The following NMNAT3 variants were observed in gnomAD, a reference collection of about 807,000 sequenced individuals.
NMNAT3 encodes the protein nicotinamide nucleotide adenylyltransferase 3.
Under a neutral mutation model 24.8 loss-of-function variants are expected in NMNAT3, and 21 were observed. That is an observed-to-expected ratio of 0.85 (90% confidence interval 0.60 to 1.22). The LOEUF (loss-of-function observed/expected upper bound fraction) is 1.22, where lower values mean the gene tolerates loss of function less well. Among genes scored for constraint, NMNAT3 ranks in the 50% most tolerant of loss-of-function variants. NMNAT3 has a pLI of 0.00. For synonymous variants in NMNAT3, 136 were observed against 155.2 expected (o/e 0.88, Z 0.92); for missense variants, 387 against 436.6 (o/e 0.89, Z 1.01).
chr3:139,594,305 A>T (rs2054340330), intron 3 of NMNAT3, among the ~76,000 whole-genome samples: 1 of 152,270 alleles, frequency 6.6e-6, no homozygotes, highest in Admixed American at 6.5e-5. Context: ...GGAGCTGAAA[A>T]TGTGGCAATA....
At chr3:139,573,898 C>T (rs1938863690) in intron 5 of NMNAT3, among the ~76,000 whole-genome samples, 1 of 152,114 alleles carries the variant, frequency 6.6e-6, no homozygotes. Context: ...CAGTCCACTA[C>T]TTTCCATGTG....
chr3:139,615,365 A>G (rs184738224), intron 3 of NMNAT3, among the ~76,000 whole-genome samples: 1 of 152,236 alleles, frequency 6.6e-6, no homozygotes, highest in Non-Finnish European at 1.5e-5. Flanking sequence ...CTCTCAGCAG[A>G]CAGGGCTAAG....
chr3:139,616,837 AT>A (rs1326393337), intron 3 of NMNAT3, among the ~76,000 whole-genome samples: 2 of 152,018 alleles, frequency 1.3e-5, no homozygotes. Flanking sequence ...CAGCTCTAGG[AT>A]TAAAAAGCAC....
intron 3 of NMNAT3, among the ~76,000 whole-genome samples, chr3:139,586,956 C>T (rs2108145822): frequency 6.6e-6 from 1 of 152,260 alleles, no homozygotes; most frequent in East Asian, 1.9e-4. Context: ...ACTCTCATAC[C>T]CTGCAGAGAT....
At chr3:139,561,500 T>C (rs1322555559) in intron 6 of NMNAT3, 108 bp from the exon 7 acceptor site, 1 of 1,031,422 alleles carries the variant, frequency 9.7e-7, no homozygotes, top group East Asian at 2.4e-5. Flanking sequence ...TATCGAGAAC[T>C]CAGTGTCTCC....
At chr3:139,602,848 A>G (rs952726570) in intron 3 of NMNAT3, among the ~76,000 whole-genome samples, 6 of 152,198 alleles carry the variant, frequency 3.9e-5, no homozygotes, top group Admixed American at 1.3e-4. Context: ...AATACTCTTA[A>G]TTTACATGTC....
chr3:139,671,055 G>T (rs1429013861), intron 1 of NMNAT3, among the ~76,000 whole-genome samples: 1 of 152,132 alleles, frequency 6.6e-6, no homozygotes, highest in East Asian at 1.9e-4. Flanking sequence ...AAAGGTAGTG[G>T]CCTAAAATTA....
intron 1 of NMNAT3, among the ~76,000 whole-genome samples, chr3:139,649,870 C>T (rs2056998832): frequency 6.6e-6 from 1 of 152,178 alleles, no homozygotes; most frequent in African/African-American, 2.4e-5. Flanking sequence ...ACAAACTGCA[C>T]ACCCCAAAGG....
chr3:139,614,081 A>G (rs546888945), intron 3 of NMNAT3, among the ~76,000 whole-genome samples: 55 of 152,272 alleles, frequency 3.6e-4, no homozygotes, highest in Admixed American at 7.8e-4. Context: ...GCACATGTAT[A>G]CATATGTAAC....
intron 1 of NMNAT3, among the ~76,000 whole-genome samples, chr3:139,665,246 A>G (rs1198235503): frequency 1.3e-5 from 2 of 152,128 alleles, no homozygotes; most frequent in African/African-American, 4.8e-5. Flanking sequence ...TGAGGAAGAA[A>G]CCACACAGGC....
intron 3 of NMNAT3, among the ~76,000 whole-genome samples, chr3:139,607,262 A>G (rs1490434964): frequency 6.6e-6 from 1 of 152,220 alleles, no homozygotes; most frequent in Non-Finnish European, 1.5e-5. Context: ...AAAACTGTTC[A>G]TACTGAAACC....
intron 3 of NMNAT3, among the ~76,000 whole-genome samples, chr3:139,606,564 T>G (rs2108237758): frequency 6.6e-6 from 1 of 152,354 alleles, no homozygotes; most frequent in South Asian, 2.1e-4. Context: ...AAGAAAACAC[T>G]TTGAGATTAT....
chr3:139,676,349 G>A (rs545195970), intron 1 of NMNAT3, among the ~76,000 whole-genome samples: 1 of 152,318 alleles, frequency 6.6e-6, no homozygotes, highest in Admixed American at 6.5e-5. Context: ...CAAATCCATG[G>A]GGTCTCAAGG....
intron 1 of NMNAT3, among the ~76,000 whole-genome samples, chr3:139,667,758 T>C (rs993317486): frequency 2.0e-5 from 3 of 152,206 alleles, no homozygotes; most frequent in Non-Finnish European, 4.4e-5. Flanking sequence ...TTACACTTGA[T>C]TTTCCAAGAC....
At chr3:139,660,426 T>G (rs567319033) in intron 1 of NMNAT3, among the ~76,000 whole-genome samples, 12 of 152,356 alleles carry the variant, frequency 7.9e-5, no homozygotes, top group African/African-American at 2.6e-4. Flanking sequence ...CTGTACCAGA[T>G]TCATCTTAAA....
At chr3:139,655,882 T>A (rs1340657161) in intron 1 of NMNAT3, among the ~76,000 whole-genome samples, 1 of 152,172 alleles carries the variant, frequency 6.6e-6, no homozygotes, top group Non-Finnish European at 1.5e-5. Context: ...TTTTGAGGGT[T>A]TTCCAAGAGT....
At position 139,580,829 on chromosome 3, in the gene NMNAT3, A is replaced by G. The variant is rs1157767852; in HGVS notation, c.392-1774T>C. Among the ~76,000 whole-genome samples, 5 of 151,728 alleles carry G rather than the reference A, an allele frequency of 3.3e-5. No homozygotes were observed. The East Asian group carries it at 7.7e-4, about 23-fold the overall frequency. ...TTGTGATATTCTTTTTTTTTTGGCA[A>G]TCACCGCTTTAATCAAGCAATGAAA... On this transcript the variant is annotated intron_variant, in intron 4 of 6. Transcript: ENST00000643695.
At chr3:139,628,596 C>T (rs1156273447) in intron 2 of NMNAT3, among the ~76,000 whole-genome samples, 1 of 152,182 alleles carries the variant, frequency 6.6e-6, no homozygotes, top group African/African-American at 2.4e-5. Flanking sequence ...GGGTGCAGCC[C>T]ACCCTCTGGT....
intron 6 of NMNAT3, chr3:139,565,411 T>A (rs1025984183): frequency 2.6e-4 from 39 of 152,214 alleles, no homozygotes; most frequent in African/African-American, 8.4e-4. Flanking sequence ...GTGCACAACG[T>A]GCAGGTTTGT....
Sources: gnomAD v4.1 joint callset for allele counts (sites outside exome capture counted in the v4.1 genomes callset) on GRCh38, gnomAD v4.1.1 for gene constraint, MANE v1.5 for transcripts, NCBI Gene and HGNC (gene_info 2026-07-23, HGNC 2026-07-21) for gene names.